GINS3: variants seen among roughly 807,000 people sequenced by gnomAD.
GINS3 encodes DNA replication complex GINS protein PSF3.
Under a neutral mutation model 20.0 loss-of-function variants are expected in GINS3, and 18 were observed. That is an observed-to-expected ratio of 0.90 (90% CI 0.62 to 1.33). The LOEUF (loss-of-function observed/expected upper bound fraction) is 1.33, where lower values mean the gene tolerates loss of function less well. Ranked by LOEUF, GINS3 falls within the 40% of genes most tolerant of loss-of-function variation. The pLI is 0.00. For synonymous variants in GINS3, 109 were observed against 107.0 expected, an observed-to-expected ratio of 1.02 and a Z score of -0.12; for missense variants, 254 against 273.6, an observed-to-expected ratio of 0.93 and a Z score of 0.51.
At chr16:58,402,986 TC>T in intron 1 of GINS3, 111 bp from the exon 2 acceptor site, 1 of 798,496 alleles carries the variant, frequency 1.3e-6, no homozygotes. Context: ...TGACAGCCAC[TC>T]CCCCAAAGAG....
intron 1 of GINS3, among the ~76,000 whole-genome samples, chr16:58,402,130 T>A (rs1287137403): frequency 6.6e-6 from 1 of 152,214 alleles, no homozygotes; most frequent in Non-Finnish European, 1.5e-5. Context: ...CTTTTCTCAT[T>A]CACAGTCCTG....
chr16:58,403,084 C>A lies in GINS3; in HGVS notation c.187-14C>A. 6.2e-7 allele frequency: 1 copy of A among 1,603,898 alleles called. No individual in the cohort carries two copies. The highest frequency in any genetic ancestry group is 8.5e-7 in the Non-Finnish European group (1 of 1,170,920). On this transcript the variant is annotated splice_polypyrimidine_tract_variant and intron_variant, in intron 1 of 2. Coordinates refer to ENST00000318129, the MANE Select transcript of GINS3 (RefSeq NM_022770.4). Reference sequence around the variant, plus strand: ...CTTGTCTGTTTTTAAAATCTACATTCATGCATGCTGCAGGGTTCCAAGCTT... The same window carrying A: ...CTTGTCTGTTTTTAAAATCTACATTAATGCATGCTGCAGGGTTCCAAGCTT...
In GINS3 at chr16:58,404,768, C is replaced by G. The variant is rs747034224; in HGVS notation, c.*39C>G. On this transcript the variant is annotated 3_prime_UTR_variant, in exon 3 of 3. Transcript: ENST00000318129. ...ACAGAATGGCTCCTCACAGACGTAT[C>G]CCTCCGTGTGTCCTTGATAGGAGCT... 2.8e-6 allele frequency: 4 copies of G among 1,420,802 alleles called. No homozygotes were observed. Among genetic ancestry groups the G allele is most frequent in the African/African-American group, 1.4e-5 (1 of 70,894 alleles). 88.0% of individuals were successfully genotyped at this position (1,420,802 alleles called of 1,614,324 possible).
rs765424613 is a variant in GINS3, at chr16:58,404,636, T to A, written c.558T>A (p.Phe186Leu). ...CAGGGCAGAAAGGACTGAATGACTT[T>A]CAGTGTTGGGAGAAGGGGCAGGCTT... is the stretch of plus-strand genomic sequence containing the variant. ...FQTGQKGLND[F>L]QCWEKGQASQ... The change falls in exon 3 of 3, where the codon TTT (phenylalanine) becomes TTA (leucine). Residue 186 changes from phenylalanine to leucine, a missense_variant. Phe to Leu is a conservative substitution (Grantham distance 22, BLOSUM62 0). Transcript: ENST00000318129. 6.2e-7 allele frequency: 1 copy of A among 1,614,016 alleles called. No homozygotes were observed. Among genetic ancestry groups the A allele is most frequent in the African/African-American group, 1.3e-5 (1 of 74,908 alleles).
intron 2 of GINS3, chr16:58,404,062 T>C (rs1025705051): frequency 6.0e-6 from 1 of 167,992 alleles, no homozygotes; most frequent in African/African-American, 2.4e-5. Flanking sequence ...GACAAAACAA[T>C]GTTATACATC....
chr16:58,397,209 C>CG lies in GINS3; in HGVS notation c.186+4426dup, dbSNP rs563805064. ...GCAGAGGGTCTCCTCACTTCTCAGA[C>CG]GGGGCGGCCGGGCAGAGATGCTCCT... On this transcript the variant is annotated intron_variant, in intron 1 of 2. Transcript: ENST00000318129. Among the ~76,000 whole-genome samples the CG allele has an allele frequency of 3.3e-3, 470 of 142,200 alleles. 3 individuals are homozygous for CG. The highest frequency in any genetic ancestry group is 0.012 in the African/African-American group (437 of 37,556). The allele number at this position is 142,200 out of a possible 152,430, so 93.3% of individuals were successfully genotyped here. A position where few individuals can be genotyped will look rare whatever the true frequency, so the allele number is the denominator to read the frequency against.
At chr16:58,393,275 G>A (rs767117638) in intron 1 of GINS3, among the ~76,000 whole-genome samples, 1 of 152,142 alleles carries the variant, frequency 6.6e-6, no homozygotes, top group Non-Finnish European at 1.5e-5. Flanking sequence ...CTTACTTAGT[G>A]GCAGCATGGT....
chr16:58,404,434 A>G (rs1420313584), intron 2 of GINS3, 65 bp from the exon 3 acceptor site: 1 of 1,034,540 alleles, frequency 9.7e-7, no homozygotes. Flanking sequence ...TTCTGAGATA[A>G]AAATGGATAT....
intron 1 of GINS3, 34 bp from the exon 2 acceptor site, chr16:58,403,064 C>T: frequency 6.5e-7 from 1 of 1,546,740 alleles, no homozygotes; most frequent in Non-Finnish European, 8.9e-7. Context: ...TGTTACTTGT[C>T]TGTTTTTAAA....
chr16:58,396,175 C>T (rs565523616), intron 1 of GINS3, among the ~76,000 whole-genome samples: 61 of 117,452 alleles, frequency 5.2e-4, no homozygotes, highest in East Asian at 8.1e-4. Flanking sequence ...GGCGGCTGGC[C>T]GGGCAGAGGG....
chr16:58,395,476 G>A (rs574119051), intron 1 of GINS3, among the ~76,000 whole-genome samples: 6 of 151,628 alleles, frequency 4.0e-5, no homozygotes, highest in Admixed American at 6.6e-5. Context: ...AGGACCCTGC[G>A]GCCTTCCGCA....
At chr16:58,394,118 A>G (rs1661237748) in intron 1 of GINS3, among the ~76,000 whole-genome samples, 1 of 152,040 alleles carries the variant, frequency 6.6e-6, no homozygotes, top group Non-Finnish European at 1.5e-5. Context: ...TACTTAATTC[A>G]TATTTCCTTA....
At chr16:58,396,893 A>AC (rs1393570834) in intron 1 of GINS3, among the ~76,000 whole-genome samples, 81 of 129,346 alleles carry the variant, frequency 6.3e-4, no homozygotes, top group African/African-American at 2.4e-3. Context: ...CGGGGGGCTG[A>AC]CCCCCCCACC....
At chr16:58,398,495 G>A (rs768978624) in intron 1 of GINS3, among the ~76,000 whole-genome samples, 2 of 152,078 alleles carry the variant, frequency 1.3e-5, no homozygotes, top group Non-Finnish European at 2.9e-5. Context: ...TGTGGTCACA[G>A]CTACTCAGGA....
rs1302472588 is a variant in GINS3 at position 58,406,042 on chromosome 16, G to C, written c.*1313G>C. 1 of 152,190 alleles carries C rather than the reference G, an allele frequency of 6.6e-6. No individual in the cohort carries two copies. The highest frequency in any genetic ancestry group is 1.5e-5 in the Non-Finnish European group (1 of 68,034). The allele number at this position is 152,190 out of a possible 1,614,324, so 9.4% of individuals were successfully genotyped here. The stretch of plus-strand genomic sequence containing the variant: ...AATGATTGGCTTTGTACATGAATAT[G>C]TTCTGTACAAGTGCTCTTTCACTAG... On this transcript the variant is annotated 3_prime_UTR_variant, in exon 3 of 3. Coordinates refer to ENST00000318129, the MANE Select transcript of GINS3 (RefSeq NM_022770.4).
Position 58,393,381 on chromosome 16 carries a change from G to A in GINS3, c.186+594G>A, listed in dbSNP as rs1292697122. Reference sequence around the variant, plus strand: ...TTCAGTTAGTGGTGAGCTGGGATTCGGAACCCAAGGCCATATGGCTTCAAA... The same window carrying A: ...TTCAGTTAGTGGTGAGCTGGGATTCAGAACCCAAGGCCATATGGCTTCAAA... On this transcript the variant is annotated intron_variant, in intron 1 of 2. Transcript: ENST00000318129. Among the ~76,000 whole-genome samples the A allele has an allele frequency of 2.0e-5, 3 of 152,156 alleles. No individual in the cohort carries two copies. The East Asian group carries it at 5.8e-4, about 29-fold the overall frequency.
Position 58,404,746 on chromosome 16 carries a change from G to A in GINS3, c.*17G>A, listed in dbSNP as rs2151496107. The A allele has an allele frequency of 6.3e-7, 1 of 1,578,024 alleles. No homozygotes were observed. The highest frequency in any genetic ancestry group is 2.2e-5 in the East Asian group (1 of 44,528). ...GAAGACTGAAAGCCGGAAGAACACAGAATGGCTCCTCACAGACGTATCCCT... is the reference window on the plus strand; with the variant it reads ...GAAGACTGAAAGCCGGAAGAACACAAAATGGCTCCTCACAGACGTATCCCT... On this transcript the variant is annotated 3_prime_UTR_variant, in exon 3 of 3. Transcript: ENST00000318129.
chr16:58,405,080 G>T lies in GINS3; in HGVS notation c.*351G>T, dbSNP rs1966011996. On this transcript the variant is annotated 3_prime_UTR_variant, in exon 3 of 3. Coordinates refer to ENST00000318129, the MANE Select transcript of GINS3 (RefSeq NM_022770.4). ...GTGTCTGGGAGTTTGGACAGCTTCA[G>T]ATGTACAGTTTCACTAGCCACAAAG... 2 of 239,860 alleles carry T rather than the reference G, an allele frequency of 8.3e-6. No homozygotes were observed. Among genetic ancestry groups the T allele is most frequent in the Non-Finnish European group, 8.3e-6 (1 of 121,164 alleles). The allele number at this position is 239,860 out of a possible 1,614,324, so 14.9% of individuals were successfully genotyped here.
rs1419375224 is a variant in GINS3 at position 58,397,326 on chromosome 16, A to G, written c.186+4539A>G. ...AGACGCTCCTCACTTCCTAGATGGG[A>G]TGGCGGCCGGGCAGAGACGCTCCTC... On this transcript the variant is annotated intron_variant, in intron 1 of 2. Transcript: ENST00000318129. Among the ~76,000 whole-genome samples the G allele has an allele frequency of 7.7e-5, 10 of 130,690 alleles. No individual in the cohort carries two copies. The South Asian group carries it at 7.7e-4, about 10-fold the overall frequency. The allele number at this position is 130,690 out of a possible 152,430, so 85.7% of individuals were successfully genotyped here.
Sources: gnomAD v4.1 joint callset for allele counts (sites outside exome capture counted in the v4.1 genomes callset) on GRCh38, gnomAD v4.1.1 for gene constraint, MANE v1.5 for transcripts, NCBI Gene and HGNC (gene_info 2026-07-23, HGNC 2026-07-21) for gene names.